KCNQ3: variants seen among roughly 807,000 people sequenced by gnomAD.
KCNQ3 encodes potassium voltage-gated channel subfamily KQT member 3.
KCNQ3 carries 30 observed loss-of-function variants against 92.5 expected under a neutral mutation model. The ratio of observed to expected loss-of-function variants is 0.32; its 90% CI spans 0.24 to 0.44. The LOEUF is 0.44. Among genes scored for constraint, KCNQ3 ranks in the 20% least tolerant of loss-of-function variants. The pLI, the probability that KCNQ3 is intolerant of heterozygous loss-of-function variation, is 1.00. For missense variants in KCNQ3, 913 were observed against 1,140.3 expected (o/e 0.80, Z 2.87); for synonymous variants, 450 against 468.8 (o/e 0.96, Z 0.52).
intron 1 of KCNQ3, among the ~76,000 whole-genome samples, chr8:132,402,227 G>C (rs752239731): frequency 2.0e-5 from 3 of 152,144 alleles, no homozygotes; most frequent in Non-Finnish European, 4.4e-5. Flanking sequence ...GGCCTGTTGA[G>C]TGCCAACTTC....
chr8:132,305,826 G>A (rs2130597783), intron 1 of KCNQ3, among the ~76,000 whole-genome samples: 1 of 152,138 alleles, frequency 6.6e-6, no homozygotes, highest in Non-Finnish European at 1.5e-5. Context: ...CCTTATCCTT[G>A]CCCATTTTCT....
At chr8:132,368,955 G>T (rs1376962665) in intron 1 of KCNQ3, among the ~76,000 whole-genome samples, 1 of 152,036 alleles carries the variant, frequency 6.6e-6, no homozygotes, top group African/African-American at 2.4e-5. Flanking sequence ...GATTCCATAT[G>T]ATGTTTAGTT....
chr8:132,444,268 C>G, intron 1 of KCNQ3, among the ~76,000 whole-genome samples: 1 of 152,142 alleles, frequency 6.6e-6, no homozygotes, highest in Non-Finnish European at 1.5e-5. Context: ...CTGTGTGCTC[C>G]CTCCTGCCCT....
At chr8:132,424,954 A>G (rs1220749161) in intron 1 of KCNQ3, among the ~76,000 whole-genome samples, 2 of 152,206 alleles carry the variant, frequency 1.3e-5, no homozygotes, top group Non-Finnish European at 2.9e-5. Context: ...CTTTTACCAA[A>G]TAAGTTCATA....
At chr8:132,164,673 CAGG>C (rs1264996383) in intron 8 of KCNQ3, among the ~76,000 whole-genome samples, 2 of 152,146 alleles carry the variant, frequency 1.3e-5, no homozygotes, top group Admixed American at 1.3e-4. Context: ...TCTCTGAGGC[CAGG>C]AGAAGTAGGA....
chr8:132,348,705 A>G (rs1037659712), intron 1 of KCNQ3, among the ~76,000 whole-genome samples: 1 of 152,194 alleles, frequency 6.6e-6, no homozygotes, highest in African/African-American at 2.4e-5. Flanking sequence ...ATTCCACACT[A>G]ACCAGGCAGT....
At chr8:132,357,761 A>T (rs76677278) in intron 1 of KCNQ3, among the ~76,000 whole-genome samples, 3,086 of 152,246 alleles carry the variant, frequency 0.02, 38 homozygotes, top group Non-Finnish European at 0.027. Flanking sequence ...ACTACAAGAC[A>T]AGTCTAAAAC....
chr8:132,147,869 C>T (rs1421751713), intron 9 of KCNQ3, among the ~76,000 whole-genome samples: 1 of 152,176 alleles, frequency 6.6e-6, no homozygotes, highest in Non-Finnish European at 1.5e-5. Context: ...TTCATTCTTT[C>T]ATCCTTTAAT....
At chr8:132,218,928 G>T (rs1228291393) in intron 1 of KCNQ3, among the ~76,000 whole-genome samples, 1 of 152,140 alleles carries the variant, frequency 6.6e-6, no homozygotes, top group Non-Finnish European at 1.5e-5. Context: ...GACTGTGCAT[G>T]CTTTGTTACT....
At chr8:132,248,367 G>T (rs1815262078) in intron 1 of KCNQ3, among the ~76,000 whole-genome samples, 1 of 150,114 alleles carries the variant, frequency 6.7e-6, no homozygotes, top group South Asian at 2.1e-4. Context: ...TGATGAGATA[G>T]TATTCTCTTT....
At chr8:132,479,518 A>T (rs1822493464) in intron 1 of KCNQ3, among the ~76,000 whole-genome samples, 1 of 151,986 alleles carries the variant, frequency 6.6e-6, no homozygotes, top group African/African-American at 2.4e-5. Context: ...TCACTTCCCT[A>T]AAAGGAATCC....
chr8:132,453,446 G>A (rs991936361), intron 1 of KCNQ3, among the ~76,000 whole-genome samples: 7 of 152,180 alleles, frequency 4.6e-5, no homozygotes, highest in African/African-American at 7.2e-5. Flanking sequence ...GAATTATTAT[G>A]TGGGGACCCT....
intron 1 of KCNQ3, among the ~76,000 whole-genome samples, chr8:132,356,708 G>A (rs1046535449): frequency 3.3e-5 from 5 of 152,202 alleles, no homozygotes; most frequent in African/African-American, 1.2e-4. Context: ...AAGGGACTGT[G>A]ATTAATGCCC....
chr8:132,278,124 A>G (rs1816398223), intron 1 of KCNQ3: 1 of 985,274 alleles, frequency 1.0e-6, no homozygotes, highest in South Asian at 4.7e-5. Context: ...CATTGCCTCT[A>G]ACTAACTAGA....
At chr8:132,405,511 A>G (rs1422997981) in intron 1 of KCNQ3, among the ~76,000 whole-genome samples, 1 of 152,146 alleles carries the variant, frequency 6.6e-6, no homozygotes, top group Non-Finnish European at 1.5e-5. Context: ...GAACTTCAAG[A>G]CTGGGTTGAC....
chr8:132,168,717 ATGTGTGTGTGTGTGTGTGTGTGTG>A (rs568659056), intron 8 of KCNQ3, among the ~76,000 whole-genome samples: 244 of 108,522 alleles, frequency 2.2e-3, no homozygotes, highest in Middle Eastern at 9.0e-3. Context: ...GATAATGAAT[ATGTGTGTGTGTGTGTGTGTGTGTG>A]TGTGTGTGTG....
At position 132,326,977 on chromosome 8, in the gene KCNQ3, TC is replaced by T. The variant is rs1487206083; in HGVS notation, c.387-140797del. The stretch of plus-strand genomic sequence containing the variant: ...ATTTTCCACCCTAACACCTACAGCC[TC>T]CGGCCATATTCTATATTTACTGCTC... On this transcript the variant is annotated intron_variant, in intron 1 of 14. Coordinates refer to ENST00000388996, the MANE Select transcript of KCNQ3 (RefSeq NM_004519.4). Among the ~76,000 whole-genome samples, 5 of 152,200 alleles carry T rather than the reference TC, an allele frequency of 3.3e-5. No homozygotes were observed. In the East Asian group the frequency reaches 9.6e-4, roughly 29 times the overall value.
At chr8:132,368,782 T>C (rs535225868) in intron 1 of KCNQ3, among the ~76,000 whole-genome samples, 2 of 152,360 alleles carry the variant, frequency 1.3e-5, no homozygotes, top group South Asian at 2.1e-4. Context: ...CTTGAGAAGA[T>C]AGTACAGGGA....
At chr8:132,230,481 G>GAGAGAA (rs901298065) in intron 1 of KCNQ3, among the ~76,000 whole-genome samples, 5 of 139,710 alleles carry the variant, frequency 3.6e-5, no homozygotes, top group African/African-American at 1.4e-4. Context: ...GAGAGAGAGA[G>GAGAGAA]AAAATCCTTT....
Sources: gnomAD v4.1 joint callset for allele counts (sites outside exome capture counted in the v4.1 genomes callset) on GRCh38, gnomAD v4.1.1 for gene constraint, MANE v1.5 for transcripts, NCBI Gene and HGNC (gene_info 2026-07-23, HGNC 2026-07-21) for gene names.